The following DIP2B variants were observed in gnomAD, a reference collection of about 807,000 sequenced individuals.
DIP2B encodes disco-interacting protein 2 homolog B.
DIP2B carries 76 observed loss-of-function variants against 198.0 expected under a neutral mutation model. The ratio of observed to expected loss-of-function variants is 0.38; its 90% confidence interval spans 0.32 to 0.46. DIP2B has a LOEUF of 0.46. Among genes scored for constraint, DIP2B ranks in the 20% least tolerant of loss-of-function variants. The pLI, the probability that DIP2B is intolerant of heterozygous loss-of-function variation, is 0.99. For missense variants in DIP2B, 1,559 were observed against 1,978.4 expected, an observed-to-expected ratio of 0.79 and a Z score of 4.02; for synonymous variants, 701 against 739.1, an observed-to-expected ratio of 0.95 and a Z score of 0.84.
At chr12:50,582,141 TTC>T in intron 1 of DIP2B, among the ~76,000 whole-genome samples, 1 of 134,282 alleles carries the variant, frequency 7.4e-6, no homozygotes, top group East Asian at 2.6e-4. Context: ...TTTTCTTTTT[TTC>T]TGTTTTTTTT....
At chr12:50,691,187 C>T in intron 13 of DIP2B, 36 bp downstream of exon 13, 1 of 1,570,108 alleles carries the variant, frequency 6.4e-7, no homozygotes, top group South Asian at 1.1e-5. Context: ...TCATTGTTAC[C>T]TTCAGAGATG....
chr12:50,705,308 A>G (rs1939494653), intron 20 of DIP2B, among the ~76,000 whole-genome samples: 1 of 152,146 alleles, frequency 6.6e-6, no homozygotes, highest in Non-Finnish European at 1.5e-5. Context: ...GGGTGAGGAC[A>G]TAGATCTAGG....
At chr12:50,546,192 A>G (rs1321444109) in intron 1 of DIP2B, among the ~76,000 whole-genome samples, 2 of 152,254 alleles carry the variant, frequency 1.3e-5, no homozygotes, top group Non-Finnish European at 2.9e-5. Flanking sequence ...GCATAAGTAT[A>G]GCAAAAGTTG....
chr12:50,683,198 C>T lies in DIP2B; in HGVS notation c.1267C>T (p.Leu423Phe), dbSNP rs756640978. The T allele has an allele frequency of 6.2e-6, 10 of 1,612,750 alleles. No homozygotes were observed. Among genetic ancestry groups the T allele is most frequent in the African/African-American group, 1.3e-5 (1 of 74,954 alleles). The change falls in exon 10 of 38, where the codon CTC becomes TTC. Residue 423 changes from leucine (L) to phenylalanine (F), a missense_variant. Transcript: ENST00000301180. The part of the protein sequence containing the change: ...VMFMVAFYGC[L>F]LAEVIPVPIE... ...GTTTATGGTGGCTTTCTATGGATGC[C>T]TCCTGGCAGAAGTGATTCCAGTGCC... is the stretch of plus-strand genomic sequence containing the variant.
intron 1 of DIP2B, among the ~76,000 whole-genome samples, chr12:50,530,699 C>T (rs1031676762): frequency 6.6e-6 from 1 of 152,046 alleles, no homozygotes; most frequent in African/African-American, 2.4e-5. Flanking sequence ...GGAGAATTTA[C>T]GAGACTAGTA....
intron 1 of DIP2B, among the ~76,000 whole-genome samples, chr12:50,600,934 CACCACT>C (rs1165470185): frequency 1.5e-4 from 21 of 144,504 alleles, no homozygotes; most frequent in African/African-American, 2.5e-4. Context: ...CCACCACCAC[CACCACT>C]ACCACCACCA....
intron 16 of DIP2B, 40 bp from the exon 17 acceptor site, chr12:50,697,021 C>T: frequency 6.8e-7 from 1 of 1,479,498 alleles, no homozygotes; most frequent in Non-Finnish European, 9.4e-7. Context: ...TAATGAAAAG[C>T]ATAATTTCAG....
intron 4 of DIP2B, among the ~76,000 whole-genome samples, chr12:50,670,963 G>T (rs1052390543): frequency 5.9e-5 from 9 of 152,140 alleles, no homozygotes; most frequent in Non-Finnish European, 1.0e-4. Flanking sequence ...GAGTTTAAAA[G>T]AAAACAATTA....
chr12:50,703,336 A>T (rs575675829), intron 19 of DIP2B, among the ~76,000 whole-genome samples: 105 of 152,232 alleles, frequency 6.9e-4, no homozygotes, highest in Non-Finnish European at 7.4e-4. Flanking sequence ...TAGCCAGGAC[A>T]TGGGAAGAAC....
intron 1 of DIP2B, among the ~76,000 whole-genome samples, chr12:50,548,986 A>T (rs1958401258): frequency 6.6e-6 from 1 of 152,216 alleles, no homozygotes; most frequent in Non-Finnish European, 1.5e-5. Context: ...CACAGGTTAC[A>T]GCTTATTCAT....
intron 32 of DIP2B, among the ~76,000 whole-genome samples, chr12:50,733,641 C>T (rs553517258): frequency 2.0e-5 from 3 of 152,300 alleles, no homozygotes; most frequent in African/African-American, 4.8e-5. Context: ...GAGGTTGAGG[C>T]TGCAGTGAGC....
chr12:50,658,432 C>T (rs1003340755), intron 3 of DIP2B, among the ~76,000 whole-genome samples: 2 of 152,174 alleles, frequency 1.3e-5, no homozygotes, highest in East Asian at 1.9e-4. Flanking sequence ...CCATTGCACC[C>T]GGCCAATTTT....
At chr12:50,646,394 T>A (rs1938351992) in intron 3 of DIP2B, among the ~76,000 whole-genome samples, 1 of 150,988 alleles carries the variant, frequency 6.6e-6, no homozygotes, top group South Asian at 2.1e-4. Context: ...GTGCTGGGAT[T>A]ACAGGCGTGA....
chr12:50,592,700 A>G (rs755849713), intron 1 of DIP2B, among the ~76,000 whole-genome samples: 1 of 151,240 alleles, frequency 6.6e-6, no homozygotes, highest in African/African-American at 2.4e-5. Context: ...CTGGTCTCGA[A>G]CTCCTGACCT....
At chr12:50,505,454 A>C (rs752205795) in intron 1 of DIP2B, among the ~76,000 whole-genome samples, 71 of 152,050 alleles carry the variant, frequency 4.7e-4, no homozygotes, top group Non-Finnish European at 8.7e-4. Context: ...GGGACTAAGT[A>C]AGGGCTTGTG....
At chr12:50,515,946 T>G (rs1373628030) in intron 1 of DIP2B, among the ~76,000 whole-genome samples, 2 of 152,140 alleles carry the variant, frequency 1.3e-5, no homozygotes, top group African/African-American at 4.8e-5. Flanking sequence ...CCATTTCTGC[T>G]GCTATGACAA....
chr12:50,686,085 G>A, intron 11 of DIP2B, 129 bp downstream of exon 11: 4 of 1,009,480 alleles, frequency 4.0e-6, no homozygotes, highest in Admixed American at 6.4e-5. Context: ...TTATGAAGTA[G>A]GTACCATTAT....
chr12:50,543,322 C>T (rs11169487), intron 1 of DIP2B, among the ~76,000 whole-genome samples: 40,986 of 149,920 alleles, frequency 0.27, 5,890 homozygotes, highest in East Asian at 0.38. Context: ...GACAGAGTCT[C>T]GCTGTCACCT....
At chr12:50,534,369 A>AT (rs72095442) in intron 1 of DIP2B, among the ~76,000 whole-genome samples, 34,245 of 107,756 alleles carry the variant, frequency 0.32, 6,784 homozygotes, top group South Asian at 0.42. Flanking sequence ...TTCTCATTTC[A>AT]TTTTTTTTTT....
Sources: gnomAD v4.1 joint callset for allele counts (sites outside exome capture counted in the v4.1 genomes callset) on GRCh38, gnomAD v4.1.1 for gene constraint, MANE v1.5 for transcripts, NCBI Gene and HGNC (gene_info 2026-07-23, HGNC 2026-07-21) for gene names.